Variants in PDE10A observed in about 807,000 individuals in gnomAD.
The protein encoded by PDE10A is phosphodiesterase 10A.
PDE10A carries 39 observed loss-of-function variants against 97.7 expected under a neutral mutation model. That is an observed-to-expected ratio of 0.40 (90% CI 0.31 to 0.52). The LOEUF is 0.52. Among genes scored for constraint, PDE10A ranks in the 20% least tolerant of loss-of-function variants. PDE10A has a pLI of 0.56. For synonymous variants in PDE10A, 371 were observed against 376.8 expected (o/e 0.98, Z 0.18); for missense variants, 731 against 1,047.8 (o/e 0.70, Z 4.17).
At chr6:165,441,207 C>T (rs1562470155) in intron 5 of PDE10A, among the ~76,000 whole-genome samples, 2 of 152,174 alleles carry the variant, frequency 1.3e-5, no homozygotes, top group Admixed American at 1.3e-4. Context: ...GTCTTCTCAT[C>T]ATCCAATCTG....
chr6:165,938,605 G>C (rs537619682), intron 1 of PDE10A, among the ~76,000 whole-genome samples: 1 of 152,158 alleles, frequency 6.6e-6, no homozygotes, highest in South Asian at 2.1e-4. Context: ...ACGCACCTGG[G>C]GCTTCCTTCA....
chr6:165,815,848 G>A (rs1779395162), intron 1 of PDE10A, among the ~76,000 whole-genome samples: 1 of 152,144 alleles, frequency 6.6e-6, no homozygotes, highest in African/African-American at 2.4e-5. Flanking sequence ...TGTGGTCCAG[G>A]GTGTGGAAGG....
chr6:165,955,187 C>T (rs1343159773), intron 1 of PDE10A, among the ~76,000 whole-genome samples: 2 of 152,146 alleles, frequency 1.3e-5, no homozygotes, highest in Non-Finnish European at 2.9e-5. Context: ...CCCAAGTTCT[C>T]CACATAGCCC....
intron 1 of PDE10A, among the ~76,000 whole-genome samples, chr6:165,862,490 T>C (rs1562772434): frequency 6.6e-6 from 1 of 152,184 alleles, no homozygotes; most frequent in Admixed American, 6.5e-5. Context: ...TGGCCACATC[T>C]GGTCAACTCG....
intron 1 of PDE10A, among the ~76,000 whole-genome samples, chr6:165,984,541 G>C (rs1583398011): frequency 6.6e-6 from 1 of 152,332 alleles, no homozygotes; most frequent in Admixed American, 6.5e-5. Flanking sequence ...AAAAGCCTAT[G>C]TACCTTTACA....
Position 165,557,467 on chromosome 6 carries a change from A to C in PDE10A, c.866-13899T>G, listed in dbSNP as rs552250445. 5.9e-5 allele frequency among the ~76,000 whole-genome samples: 9 copies of C among 152,316 alleles called. No individual in the cohort carries two copies. In the South Asian group the frequency reaches 1.0e-3, roughly 18 times the overall value. ...TTATCATTTATTTAAAGACTTTAAA[A>C]ATTATACCCTAAAAGTGAATGACAT... On this transcript the variant is annotated intron_variant, in intron 1 of 21. Transcript: ENST00000539869.
chr6:165,358,431 G>A (rs1783173854), intron 18 of PDE10A, among the ~76,000 whole-genome samples: 1 of 151,468 alleles, frequency 6.6e-6, no homozygotes, highest in South Asian at 2.1e-4. Flanking sequence ...GACCATTTCA[G>A]AGTAAACTTG....
At chr6:165,440,949 A>G (rs1195852943) in intron 5 of PDE10A, among the ~76,000 whole-genome samples, 1 of 152,228 alleles carries the variant, frequency 6.6e-6, no homozygotes, top group Admixed American at 6.5e-5. Flanking sequence ...TATACATGTA[A>G]CTAAGCATAG....
chr6:165,748,576 TTA>T (rs1434658414), intron 1 of PDE10A, among the ~76,000 whole-genome samples: 8 of 152,204 alleles, frequency 5.3e-5, no homozygotes, highest in Admixed American at 5.2e-4. Flanking sequence ...ATATAAATAT[TTA>T]TGTTTTATTC....
At chr6:165,576,471 TCTTCTCTA>T (rs1277267354) in intron 1 of PDE10A, 1 of 780,660 alleles carries the variant, frequency 1.3e-6, no homozygotes, top group East Asian at 2.4e-5. Context: ...TCCTTCAAAG[TCTTCTCTA>T]CCCCCATCTC....
intron 1 of PDE10A, among the ~76,000 whole-genome samples, chr6:165,839,780 A>G (rs1267174066): frequency 7.3e-5 from 1 of 13,752 alleles, no homozygotes; most frequent in Non-Finnish European, 1.9e-4. Context: ...CCCCATCTGC[A>G]TCTGTCTCCA....
intron 1 of PDE10A, among the ~76,000 whole-genome samples, chr6:165,928,248 C>T (rs1437815296): frequency 6.6e-6 from 1 of 152,138 alleles, no homozygotes; most frequent in African/African-American, 2.4e-5. Context: ...GAGGTATTCC[C>T]TGGAGTTGGT....
chr6:165,886,479 G>A (rs1367112691), intron 1 of PDE10A, among the ~76,000 whole-genome samples: 1 of 152,234 alleles, frequency 6.6e-6, no homozygotes, highest in Non-Finnish European at 1.5e-5. Context: ...GCGCACAGAA[G>A]TCAGAAGATA....
chr6:165,501,124 G>C (rs557430193), intron 2 of PDE10A, among the ~76,000 whole-genome samples: 1 of 152,190 alleles, frequency 6.6e-6, no homozygotes, highest in South Asian at 2.1e-4. Flanking sequence ...CATGCTGAGC[G>C]CCGGTACCCT....
chr6:165,431,463 C>T lies in PDE10A; in HGVS notation c.1501G>A (p.Ala501Thr). The change falls in exon 8 of 22, where the codon GCA becomes ACA. Residue 501 changes from alanine (A) to threonine (T), a missense_variant. Ala to Thr is a moderately conservative substitution (Grantham distance 58). Transcript: ENST00000539869. ...FCLSHQEVAT[A>T]NLAWASVAIH... ...GCTACTGAAGCCCAGGCAAGATTTG[C>T]TGTTGCAACCTAAAAAAAACAAGAA... The T allele has an allele frequency of 3.1e-6, 5 of 1,593,372 alleles. No homozygotes were observed. The highest frequency in any genetic ancestry group is 4.3e-6 in the Non-Finnish European group (5 of 1,167,230).
chr6:165,771,067 C>T (rs1777995967), intron 1 of PDE10A, among the ~76,000 whole-genome samples: 1 of 152,212 alleles, frequency 6.6e-6, no homozygotes. Context: ...ATGAGGCTTT[C>T]AGGGCAGAGC....
intron 1 of PDE10A, among the ~76,000 whole-genome samples, chr6:165,681,499 C>T (rs1790977379): frequency 6.6e-6 from 1 of 152,048 alleles, no homozygotes. Flanking sequence ...CCTCCCCCTC[C>T]TCCGAGTTTC....
At chr6:165,610,526 G>A (rs199643658) in intron 1 of PDE10A, among the ~76,000 whole-genome samples, 35 of 132,462 alleles carry the variant, frequency 2.6e-4, no homozygotes, top group African/African-American at 1.0e-3. Context: ...GCGAGACTCC[G>A]TCTCAAAAAA....
At chr6:165,860,023 C>A (rs1403478039) in intron 1 of PDE10A, among the ~76,000 whole-genome samples, 1 of 152,052 alleles carries the variant, frequency 6.6e-6, no homozygotes, top group Non-Finnish European at 1.5e-5. Flanking sequence ...ATGCAATGGA[C>A]TTTGGGGACT....
Sources: allele counts gnomAD v4.1 joint callset (sites outside exome capture counted in the v4.1 genomes callset), GRCh38; gene constraint gnomAD v4.1.1; transcripts MANE v1.5; gene names NCBI Gene and HGNC (gene_info 2026-07-23, HGNC 2026-07-21).